Variants in SUSD2 observed in about 807,000 individuals in gnomAD.
The protein encoded by SUSD2 is sushi domain containing 2, also known as sushi domain-containing protein 2.
Under a neutral mutation model 93.8 loss-of-function variants are expected in SUSD2, and 86 were observed. The observed-to-expected ratio is 0.92, with a 90% confidence interval of 0.77 to 1.10. The LOEUF is 1.10. Among genes scored for constraint, SUSD2 ranks in the 50% least tolerant of loss-of-function variants. The pLI is 0.00. For synonymous variants in SUSD2, 483 were observed against 485.0 expected (o/e 1.00, Z 0.05); for missense variants, 1,060 against 1,137.0 (o/e 0.93, Z 0.97).
Position 24,187,961 on chromosome 22 carries a change from G to C in SUSD2, c.2167G>C (p.Val723Leu). Residue 723 changes from valine (V) to leucine (L), a missense_variant and splice_region_variant, in exon 13 of 15, where the codon GTG becomes CTG. Transcript: ENST00000358321. ...QRRMQSLQPV[V>L]SCGWLAPPPN... ...TCTGCACTCTGTCCCCATCCCAGTG[G>C]TGTCCTGTGGCTGGCTGGCCCCACC... 6.2e-7 allele frequency: 1 copy of C among 1,612,840 alleles called. No individual in the cohort carries two copies. Among genetic ancestry groups the C allele is most frequent in the Non-Finnish European group, 8.5e-7 (1 of 1,179,948 alleles).
rs1440934900 is a variant in SUSD2, at chr22:24,188,459, A to G, written c.*23A>G. On this transcript the variant is annotated 3_prime_UTR_variant, in exon 15 of 15. Coordinates refer to ENST00000358321, the MANE Select transcript of SUSD2 (RefSeq NM_019601.4). The surrounding 1 kb of genome is among the most constrained non-coding windows in gnomAD (Gnocchi z 4.7). ...TGATGGGAGCAGCTTGGCTGTGAGC[A>G]CCAGGCCAAGACTCCTGAGAACAGG... 1.9e-6 allele frequency: 3 copies of G among 1,606,996 alleles called. No homozygotes were observed. The highest frequency in any genetic ancestry group is 1.7e-6 in the Non-Finnish European group (2 of 1,178,532).
chr22:24,183,570 TGA>T lies in SUSD2; in HGVS notation c.367_368del (p.Ser123ArgfsTer157). 1 of 1,613,488 alleles carries T rather than the reference TGA, an allele frequency of 6.2e-7. No homozygotes were observed. Among genetic ancestry groups the T allele is most frequent in the Non-Finnish European group, 8.5e-7 (1 of 1,180,002 alleles). Reference sequence around the variant, plus strand: ...TGCACTGTGTGTCACCTCTGCTCTATGAGAGCGGCCGCATCCCCTTCACTGTG... The same window carrying T: ...TGCACTGTGTGTCACCTCTGCTCTATGAGCGGCCGCATCCCCTTCACTGTG... ...QVHCVSPLLYESGRIPFTVSL... is the reference protein window; with the variant it reads ...QVHCVSPLLYXSGRIPFTVSL... On this transcript the variant is annotated frameshift_variant, in exon 3 of 15. Coordinates refer to ENST00000358321, the MANE Select transcript of SUSD2 (RefSeq NM_019601.4). LOFTEE classifies it high-confidence loss of function.
chr22:24,185,812 C>T lies in SUSD2; in HGVS notation c.1222C>T (p.His408Tyr). 6.2e-7 allele frequency: 1 copy of T among 1,610,650 alleles called. No individual in the cohort carries two copies. Among genetic ancestry groups the T allele is most frequent in the South Asian group, 1.1e-5 (1 of 90,580 alleles). Residue 408 changes from histidine (H) to tyrosine (Y), a missense_variant, in exon 8 of 15, where the codon CAC (histidine) becomes TAC (tyrosine). By Grantham distance (83) the His-to-Tyr change is moderately conservative. This residue lies in a region of SUSD2 where 973 missense variants were observed against 1,005.3 expected (regional missense o/e 0.97). Transcript: ENST00000358321. ...RTPPRVPSMS[H>Y]WLYDVLSFYY... ...GCCACCCCGAGTGCCCAGCATGTCC[C>T]ACTGGCTCTACGATGTCCTCAGCTT...
intron 2 of SUSD2, 95 bp downstream of exon 2, chr22:24,183,362 C>G: frequency 6.5e-7 from 1 of 1,542,588 alleles, no homozygotes; most frequent in Middle Eastern, 1.8e-4. Flanking sequence ...AGTGGAGCCC[C>G]TCGGACCCAG....
rs1251382039 is a variant in SUSD2, at chr22:24,186,350, G to A, written c.1577G>A (p.Gly526Asp). The change falls in exon 10 of 15, where the codon GGT (glycine) becomes GAT (aspartate). Residue 526 changes from glycine (G) to aspartate (D), a missense_variant. Transcript: ENST00000358321. ...GTCAGGCTGGCCAACAGGACCGGAG[G>A]TCTGGAGGTGCTGCTGAACCAGGAG... ...VEVRLANRTG[G>D]LEVLLNQEVL... 1.2e-6 allele frequency: 2 copies of A among 1,613,954 alleles called. No individual in the cohort carries two copies. The highest frequency in any genetic ancestry group is 1.7e-5 in the Admixed American group (1 of 60,034).
chr22:24,185,440 G>A, intron 6 of SUSD2, 46 bp from the exon 7 acceptor site: 1 of 1,546,910 alleles, frequency 6.5e-7, no homozygotes, highest in Non-Finnish European at 8.7e-7. Flanking sequence ...GGGAGGGGAT[G>A]ACAGAACCCG....
Position 24,185,288 on chromosome 22 carries a change from G to A in SUSD2, c.977G>A (p.Arg326His), listed in dbSNP as rs546807667. The change falls in exon 6 of 15, where the codon CGC becomes CAC. Residue 326 changes from arginine to histidine, a missense_variant. Transcript: ENST00000358321. ...TLTQARADSG[R>H]FFTDYGCDME... ...ACCCAGGCCCGGGCTGACTCCGGCC[G>A]CTTCTTCGTGAGCCTCCCATCAGGG... 11 of 1,603,142 alleles carry A rather than the reference G, an allele frequency of 6.9e-6. No individual in the cohort carries two copies. Among genetic ancestry groups the A allele is most frequent in the African/African-American group, 1.3e-5 (1 of 74,964 alleles).
intron 10 of SUSD2, 27 bp downstream of exon 10, chr22:24,186,442 C>G: frequency 6.2e-7 from 1 of 1,607,812 alleles, no homozygotes; most frequent in Non-Finnish European, 8.5e-7. Flanking sequence ...CGCGAGGCTG[C>G]GGGCTGCCCT....
At position 24,187,607 on chromosome 22, in the gene SUSD2, ATTCCTGG is replaced by A. The variant is rs1165814482; in HGVS notation, c.1937_1943del (p.Phe646SerfsTer52). The A allele has an allele frequency of 6.2e-7, 1 of 1,613,664 alleles. No homozygotes were observed. Among genetic ancestry groups the A allele is most frequent in the Non-Finnish European group, 8.5e-7 (1 of 1,179,842 alleles). On this transcript the variant is annotated frameshift_variant, in exon 12 of 15. Transcript: ENST00000358321. LOFTEE classifies it high-confidence loss of function. ...AATGCGTCCTCCCTGCTCACCTACG[ATTCCTGG>A]TTCCTGGTCCACAACTTCCTGTACC...
chr22:24,185,309 C>A lies in SUSD2; in HGVS notation c.984+14C>A, dbSNP rs377578119. The A allele has an allele frequency of 9.4e-4, 1,503 of 1,601,050 alleles. 25 individuals carry two copies. The South Asian group carries it at 0.016, about 17-fold the overall frequency. On this transcript the variant is annotated intron_variant, in intron 6 of 14. Coordinates refer to ENST00000358321, the MANE Select transcript of SUSD2 (RefSeq NM_019601.4). ...GGCCGCTTCTTCGTGAGCCTCCCATCAGGGCCCAGGAGAGGGGATGAGGGG... is the reference window on the plus strand; with the variant it reads ...GGCCGCTTCTTCGTGAGCCTCCCATAAGGGCCCAGGAGAGGGGATGAGGGG...
At chr22:24,186,468 C>A in intron 10 of SUSD2, 53 bp downstream of exon 10, 1 of 1,589,164 alleles carries the variant, frequency 6.3e-7, no homozygotes, top group Non-Finnish European at 8.6e-7. Context: ...CCTCCCCATT[C>A]CTGCAGGGAG....
At chr22:24,186,649 C>A in intron 10 of SUSD2, 1 of 574,720 alleles carries the variant, frequency 1.7e-6, no homozygotes, top group Non-Finnish European at 3.1e-6. Context: ...TCCCGGGAGC[C>A]TTCTGGAGGG....
At chr22:24,186,466 T>C in intron 10 of SUSD2, 51 bp downstream of exon 10, 1 of 1,591,530 alleles carries the variant, frequency 6.3e-7, no homozygotes, top group Non-Finnish European at 8.6e-7. Context: ...CTCCTCCCCA[T>C]TCCTGCAGGG....
In SUSD2 at chr22:24,188,280, G is replaced by A. The variant is rs536911780; in HGVS notation, c.2397G>A (p.Ala799=). The A allele has an allele frequency of 9.3e-6, 15 of 1,604,502 alleles. No homozygotes were observed. The highest frequency in any genetic ancestry group is 2.2e-5 in the South Asian group (2 of 90,628). Residue 799 remains alanine (A), a synonymous_variant, in exon 14 of 15, where the codon GCG becomes GCA. Transcript: ENST00000358321. The surrounding 1 kb of genome is among the most constrained non-coding windows in gnomAD (Gnocchi z 4.7). ...TCTTTGGGGGCCTCGCGGTGGTGGC[G>A]GCGGTTGCGCTCGTCTATGTGCTGC... ...GIIFGGLAVV[A]AVALVYVLLR... is the part of the protein sequence containing the mutation.
At position 24,185,288 on chromosome 22, in the gene SUSD2, GCTT is replaced by G. The variant is rs1481679606; in HGVS notation, c.982_984del (p.Phe328del). On this transcript the variant is annotated inframe_deletion, in exon 6 of 15. Transcript: ENST00000358321. ...ACCCAGGCCCGGGCTGACTCCGGCCGCTTCTTCGTGAGCCTCCCATCAGGGCCC... is the reference window on the plus strand; with the variant it reads ...ACCCAGGCCCGGGCTGACTCCGGCCGCTTCGTGAGCCTCCCATCAGGGCCC... 1.2e-6 allele frequency: 2 copies of G among 1,603,024 alleles called. No individual in the cohort carries two copies. The highest frequency in any genetic ancestry group is 1.7e-6 in the Non-Finnish European group (2 of 1,179,536).
Position 24,183,140 on chromosome 22 carries a change from T to C in SUSD2, c.160T>C (p.Cys54Arg). Reference protein sequence around the residue: ...CHPTCSGLGTCCLDFRDFCLE... With the variant: ...CHPTCSGLGTRCLDFRDFCLE... ...CCCGACGTGCTCTGGCCTTGGCACC[T>C]GCTGCTTGGATTTCCGGGACTTCTG... Residue 54 changes from cysteine (C) to arginine (R), a missense_variant, in exon 2 of 15, where the codon TGC (cysteine) becomes CGC (arginine). Physicochemically the swap from Cys to Arg is radical, Grantham distance 180 (BLOSUM62 -3). Coordinates refer to ENST00000358321, the MANE Select transcript of SUSD2 (RefSeq NM_019601.4). 2 of 1,614,070 alleles carry C rather than the reference T, an allele frequency of 1.2e-6. No homozygotes were observed. The highest frequency in any genetic ancestry group is 1.1e-5 in the South Asian group (1 of 91,082).
In SUSD2 at chr22:24,184,218, C is replaced by A; in HGVS notation, c.522C>A (p.Thr174=). 1 of 1,613,706 alleles carries A rather than the reference C, an allele frequency of 6.2e-7. No homozygotes were observed. Among genetic ancestry groups the A allele is most frequent in the Non-Finnish European group, 8.5e-7 (1 of 1,179,990 alleles). Residue 174 remains threonine, a synonymous_variant, in exon 4 of 15, where the codon ACC becomes ACA. Coordinates refer to ENST00000358321, the MANE Select transcript of SUSD2 (RefSeq NM_019601.4). ...TRWQYYGTAN[T]SGNLSLTWHV... is the part of the protein sequence containing the mutation. The stretch of plus-strand genomic sequence containing the variant: ...GGCAATACTACGGCACCGCCAACAC[C>A]TCAGGCAACCTCAGCCTGACCTGGC...
chr22:24,188,343 C>T lies in SUSD2; in HGVS notation c.2444+16C>T, dbSNP rs774927017. ...AGGGCAACACGTGAGACCCCCCAGCCCCTCTCCCAAGACCCCGAGACAGCC... is the reference window on the plus strand; with the variant it reads ...AGGGCAACACGTGAGACCCCCCAGCTCCTCTCCCAAGACCCCGAGACAGCC... On this transcript the variant is annotated intron_variant, in intron 14 of 14. Coordinates refer to ENST00000358321, the MANE Select transcript of SUSD2 (RefSeq NM_019601.4). The surrounding 1 kb of genome is among the most constrained non-coding windows in gnomAD (Gnocchi z 4.7). The T allele has an allele frequency of 8.7e-6, 14 of 1,609,862 alleles. No homozygotes were observed. The highest frequency in any genetic ancestry group is 1.2e-5 in the Non-Finnish European group (14 of 1,179,200).
Position 24,186,425 on chromosome 22 carries a change from C to T in SUSD2, c.1642+10C>T, listed in dbSNP as rs370154259. On this transcript the variant is annotated intron_variant, in intron 10 of 14. Transcript: ENST00000358321. ...TGGATGGACCTGAAAGGTGAGCAGT[C>T]CAGCCACGCGAGGCTGCGGGCTGCC... The T allele has an allele frequency of 9.3e-6, 15 of 1,612,130 alleles. No homozygotes were observed. The South Asian group carries it at 1.6e-4, about 18-fold the overall frequency.
Sources: gnomAD v4.1 joint callset for allele counts on GRCh38, gnomAD v4.1.1 for gene constraint, gnomAD v4.1.1 regional missense constraint, Gnocchi (gnomAD v3.1) non-coding constraint, MANE v1.5 for transcripts, NCBI Gene and HGNC (gene_info 2026-07-23, HGNC 2026-07-21) for gene names.